The following GCNT2 variants were observed in gnomAD, a reference collection of about 807,000 sequenced individuals.
GCNT2 encodes N-acetyllactosaminide beta-1,6-N-acetylglucosaminyl-transferase.
Under a neutral mutation model 34.2 loss-of-function variants are expected in GCNT2, and 34 were observed. The observed-to-expected ratio is 1.00, with a 90% confidence interval of 0.76 to 1.32. The LOEUF (loss-of-function observed/expected upper bound fraction) is 1.32. Ranked by LOEUF, GCNT2 falls within the 40% of genes most tolerant of loss-of-function variation. The pLI is 0.00. For missense variants in GCNT2, 584 were observed against 489.4 expected (o/e 1.19, Z -1.82); for synonymous variants, 212 against 188.0 (o/e 1.13, Z -1.04).
chr6:10,619,740 A>G (rs944004469), intron 3 of GCNT2: 1 of 152,214 alleles, frequency 6.6e-6, no homozygotes. Context: ...CAGCTTCAAC[A>G]ACATAAATAT....
chr6:10,530,003 A>T lies in GCNT2; in HGVS notation c.925+167A>T, dbSNP rs62397969. 13,540 of 630,822 alleles carry T rather than the reference A, an allele frequency of 0.021. 193 individuals are homozygous for T. The highest frequency in any genetic ancestry group is 0.029 in the Non-Finnish European group (10,220 of 358,090). The allele number at this position is 630,822 out of a possible 1,614,324, so 39.1% of individuals were successfully genotyped here. On this transcript the variant is annotated intron_variant, in intron 3 of 4. Transcript: ENST00000495262. ...TAAAATGGTAAAATGGAGATGTGTT[A>T]TATCACCCACTCTTGTGAACCGCTC...
At chr6:10,567,448 TGCTA>T (rs1176565605) in intron 3 of GCNT2, among the ~76,000 whole-genome samples, 1 of 152,060 alleles carries the variant, frequency 6.6e-6, no homozygotes, top group Non-Finnish European at 1.5e-5. Context: ...CAGAGCAAGA[TGCTA>T]TCTCAAAGAA....
chr6:10,569,859 CTCTTTCTT>C (rs71548849), intron 3 of GCNT2, among the ~76,000 whole-genome samples: 2 of 149,438 alleles, frequency 1.3e-5, no homozygotes, highest in Non-Finnish European at 3.0e-5. Context: ...CTCTTTCTTT[CTCTTTCTT>C]TCTTTCTTTC....
rs541453598 is a variant in GCNT2, at chr6:10,599,486, A to G, written c.926-21865A>G. Reference sequence around the variant, plus strand: ...GAGGCATCTTGCCCATCTCCCTATCAGCTTCCATCTATTGTATCCCAGCGG... The same window carrying G: ...GAGGCATCTTGCCCATCTCCCTATCGGCTTCCATCTATTGTATCCCAGCGG... On this transcript the variant is annotated intron_variant, in intron 3 of 4. Transcript: ENST00000495262. Among the ~76,000 whole-genome samples the G allele has an allele frequency of 1.2e-4, 19 of 152,304 alleles. 1 individual carries two copies. In the South Asian group the frequency reaches 3.9e-3, roughly 32 times the overall value.
chr6:10,530,094 G>T (rs997427109), intron 3 of GCNT2: 1 of 412,764 alleles, frequency 2.4e-6, no homozygotes, highest in Non-Finnish European at 4.5e-6. Context: ...GAGCACAGTG[G>T]CTCAAGCCTG....
chr6:10,624,997 G>A (rs1013478779), intron 4 of GCNT2, among the ~76,000 whole-genome samples: 2 of 152,064 alleles, frequency 1.3e-5, no homozygotes, highest in African/African-American at 4.8e-5. Context: ...ATTTCTTTAA[G>A]CGTGTGCTTA....
intron 3 of GCNT2, among the ~76,000 whole-genome samples, chr6:10,542,417 G>A (rs1357446500): frequency 6.8e-6 from 1 of 146,846 alleles, no homozygotes; most frequent in Non-Finnish European, 1.5e-5. Context: ...ACCCACTTTT[G>A]TGTACAATGT....
At chr6:10,533,274 C>T (rs991265325) in intron 3 of GCNT2, among the ~76,000 whole-genome samples, 2 of 151,420 alleles carry the variant, frequency 1.3e-5, no homozygotes, top group Admixed American at 6.6e-5. Flanking sequence ...CCACTGCACT[C>T]GCGTCTGGGC....
intron 3 of GCNT2, among the ~76,000 whole-genome samples, chr6:10,546,973 C>T (rs1173754495): frequency 6.6e-6 from 1 of 151,918 alleles, no homozygotes; most frequent in Non-Finnish European, 1.5e-5. Context: ...TTTTATGGTT[C>T]ATGATTTTAT....
intron 1 of GCNT2, among the ~76,000 whole-genome samples, chr6:10,522,242 A>G (rs929238154): frequency 6.6e-6 from 1 of 151,394 alleles, no homozygotes; most frequent in African/African-American, 2.5e-5. Flanking sequence ...CCTGTGAGGT[A>G]TGAACCTCAT....
rs1408470589 is a variant in GCNT2, at chr6:10,621,401, A to G, written c.976A>G (p.Ile326Val). Residue 326 changes from isoleucine to valine, a missense_variant, in exon 4 of 5, where the codon ATA (isoleucine) becomes GTA (valine). Ile to Val is a conservative substitution (Grantham distance 29). Transcript: ENST00000495262. ...ATCCTGGACTGGAAACCTCAGAGCT[A>G]TAAAGTGGAGTGACATGGAAGACAG... The part of the protein sequence containing the change: ...NASWTGNLRA[I>V]KWSDMEDRHG... 4 of 1,613,628 alleles carry G rather than the reference A, an allele frequency of 2.5e-6. No individual in the cohort carries two copies. Among genetic ancestry groups the G allele is most frequent in the Non-Finnish European group, 3.4e-6 (4 of 1,179,696 alleles).
At chr6:10,545,148 T>C (rs755267574) in intron 3 of GCNT2, among the ~76,000 whole-genome samples, 15 of 152,012 alleles carry the variant, frequency 9.9e-5, no homozygotes, top group African/African-American at 3.1e-4. Context: ...CTAATAAAAC[T>C]GTATCTTCTC....
intron 3 of GCNT2, among the ~76,000 whole-genome samples, chr6:10,615,653 A>C (rs1358323970): frequency 2.0e-5 from 3 of 152,204 alleles, no homozygotes; most frequent in African/African-American, 7.2e-5. Context: ...TTCAGTGCAA[A>C]GTGAAAGCAA....
intron 3 of GCNT2, among the ~76,000 whole-genome samples, chr6:10,597,501 T>TTGGTCTGGAGACAGTCTTA (rs1226379117): frequency 6.6e-6 from 1 of 150,742 alleles, no homozygotes; most frequent in Non-Finnish European, 1.5e-5. Context: ...ATATCTGGAA[T>TTGGTCTGGAGACAGTCTTA]TGGTCTGGAG....
chr6:10,546,967 A>C (rs1200958035), intron 3 of GCNT2, among the ~76,000 whole-genome samples: 1 of 151,864 alleles, frequency 6.6e-6, no homozygotes, highest in South Asian at 2.1e-4. Flanking sequence ...TTTTTCTTTT[A>C]TGGTTCATGA....
chr6:10,525,565 C>T (rs768776274), intron 1 of GCNT2, among the ~76,000 whole-genome samples: 3 of 152,142 alleles, frequency 2.0e-5, no homozygotes, highest in Admixed American at 6.6e-5. Flanking sequence ...GGAAGACCAG[C>T]GTGTCCCATG....
rs780096446 is a variant in GCNT2, at chr6:10,529,757, C to T, written c.846C>T (p.Leu282=). ...CTAACTTCGTCCTCCAAGACCAGCTCGCACTTGACTTACTCTCCTGGTCCA... is the reference window on the plus strand; with the variant it reads ...CTAACTTCGTCCTCCAAGACCAGCTTGCACTTGACTTACTCTCCTGGTCCA... ...DFANFVLQDQ[L]ALDLLSWSKD... The change falls in exon 3 of 5, where the codon CTC becomes CTT. Residue 282 remains leucine (L), a synonymous_variant. Coordinates refer to ENST00000495262, the MANE Select transcript of GCNT2 (RefSeq NM_145649.5). The T allele has an allele frequency of 1.9e-5, 30 of 1,614,048 alleles. No homozygotes were observed. Among genetic ancestry groups the T allele is most frequent in the Non-Finnish European group, 1.9e-5 (22 of 1,179,994 alleles).
chr6:10,597,996 T>C (rs1177903066), intron 3 of GCNT2, among the ~76,000 whole-genome samples: 1 of 152,196 alleles, frequency 6.6e-6, no homozygotes, highest in African/African-American at 2.4e-5. Flanking sequence ...ACAATTCTGT[T>C]CTAAATTTTA....
intron 3 of GCNT2, among the ~76,000 whole-genome samples, chr6:10,616,190 T>G (rs1765751538): frequency 6.6e-6 from 1 of 152,138 alleles, no homozygotes; most frequent in African/African-American, 2.4e-5. Context: ...GAGCGTTATA[T>G]CTTTCAAGGC....
Sources: allele counts gnomAD v4.1 joint callset (sites outside exome capture counted in the v4.1 genomes callset), GRCh38; gene constraint gnomAD v4.1.1; transcripts MANE v1.5; gene names NCBI Gene and HGNC (gene_info 2026-07-23, HGNC 2026-07-21).